The following PCMT1 variants were observed in gnomAD, a reference collection of about 807,000 sequenced individuals.
PCMT1 encodes protein-L-isoaspartate (D-aspartate) O-methyltransferase, also known as protein-L-isoaspartate(D-aspartate) O-methyltransferase.
Under a neutral mutation model 29.2 loss-of-function variants are expected in PCMT1, and 9 were observed. That is an observed-to-expected ratio of 0.31 (90% CI 0.19 to 0.54). PCMT1 has a LOEUF of 0.54. Among genes scored for constraint, PCMT1 ranks in the 20% least tolerant of loss-of-function variants. The probability of loss-of-function intolerance (pLI) is 0.95; values close to 1 mark genes in which losing one functional copy is unlikely to be tolerated. For missense variants in PCMT1, 184 were observed against 282.2 expected, an observed-to-expected ratio of 0.65 and a Z score of 2.49; for synonymous variants, 98 against 97.5, an observed-to-expected ratio of 1.00 and a Z score of -0.03.
chr6:149,805,182 C>T (rs1775970696), intron 7 of PCMT1, among the ~76,000 whole-genome samples: 1 of 152,226 alleles, frequency 6.6e-6, no homozygotes, highest in Non-Finnish European at 1.5e-5. Flanking sequence ...CGGCAGTGAG[C>T]TGTGATCACC....
At chr6:149,793,195 A>C (rs149601835) in intron 4 of PCMT1, among the ~76,000 whole-genome samples, 1,889 of 152,060 alleles carry the variant, frequency 0.012, 47 homozygotes, top group Admixed American at 0.062. Flanking sequence ...CTCCCTGTCA[A>C]ATTCTTTATG....
chr6:149,769,436 C>T (rs1787222441), intron 1 of PCMT1, among the ~76,000 whole-genome samples: 1 of 150,682 alleles, frequency 6.6e-6, no homozygotes, highest in African/African-American at 2.4e-5. Flanking sequence ...GTCTCAGCCT[C>T]CTGAGTAGCT....
intron 1 of PCMT1, among the ~76,000 whole-genome samples, chr6:149,751,034 T>G (rs1470665887): frequency 6.6e-6 from 1 of 152,188 alleles, no homozygotes; most frequent in Non-Finnish European, 1.5e-5. Context: ...AAATTTTTTT[T>G]GGCCGGGCTC....
intron 5 of PCMT1, chr6:149,795,385 TG>T: frequency 2.5e-6 from 1 of 406,078 alleles, no homozygotes. Flanking sequence ...TTAAGATATC[TG>T]GGGAGATGGT....
chr6:149,800,091 T>C (rs180804501), intron 6 of PCMT1, among the ~76,000 whole-genome samples: 86 of 152,112 alleles, frequency 5.7e-4, no homozygotes, highest in African/African-American at 1.9e-3. Context: ...AGCCTTGAAA[T>C]TGAGAAAAAC....
At chr6:149,751,957 C>T (rs1786338251) in intron 1 of PCMT1, among the ~76,000 whole-genome samples, 1 of 151,230 alleles carries the variant, frequency 6.6e-6, no homozygotes, top group Non-Finnish European at 1.5e-5. Context: ...ACTGCAACCC[C>T]TGCTTTCTGT....
chr6:149,777,626 A>G (rs779318138), intron 3 of PCMT1, among the ~76,000 whole-genome samples: 3 of 152,194 alleles, frequency 2.0e-5, no homozygotes, highest in Non-Finnish European at 4.4e-5. Flanking sequence ...TCACATATGC[A>G]CACATACATG....
intron 7 of PCMT1, 47 bp downstream of exon 7, chr6:149,802,463 TG>T (rs2115339568): frequency 1.4e-6 from 2 of 1,428,614 alleles, no homozygotes; most frequent in African/African-American, 2.9e-5. Flanking sequence ...GAGCTGTTTT[TG>T]GTTGTCACCT....
At chr6:149,772,340 A>G (rs191727706) in intron 2 of PCMT1, 92 of 327,674 alleles carry the variant, frequency 2.8e-4, no homozygotes, top group African/African-American at 1.8e-3. Flanking sequence ...AGATGATAAG[A>G]TAAAGAATAA....
chr6:149,758,075 G>T (rs1320345295), intron 1 of PCMT1, among the ~76,000 whole-genome samples: 2 of 151,676 alleles, frequency 1.3e-5, no homozygotes, highest in African/African-American at 4.8e-5. Flanking sequence ...GTAGAGATGG[G>T]GTTTCACCAT....
At chr6:149,795,644 C>A in intron 5 of PCMT1, 1 of 443,448 alleles carries the variant, frequency 2.3e-6, no homozygotes, top group Non-Finnish European at 4.2e-6. Flanking sequence ...TTCTGGATTA[C>A]TATAAAATAG....
chr6:149,805,753 T>C (rs1455094925), intron 7 of PCMT1, among the ~76,000 whole-genome samples: 2 of 151,000 alleles, frequency 1.3e-5, no homozygotes, highest in East Asian at 1.9e-4. Context: ...CTGGCCAACA[T>C]GGTGAAACTC....
intron 1 of PCMT1, among the ~76,000 whole-genome samples, chr6:149,758,208 C>CTTTTTTTTTTTTTTTTTTTTTTTTTT (rs756014067): frequency 2.2e-4 from 16 of 73,906 alleles, no homozygotes; most frequent in East Asian, 9.9e-4. Context: ...TTCTTTCTTT[C>CTTTTTTTTTTTTTTTTTTTTTTTTTT]TTTTTTTTTT....
chr6:149,808,221 CA>C (rs1776066247), intron 7 of PCMT1, among the ~76,000 whole-genome samples: 1 of 151,798 alleles, frequency 6.6e-6, no homozygotes, highest in Non-Finnish European at 1.5e-5. Flanking sequence ...GAAATATATA[CA>C]GTTATTAACC....
At chr6:149,759,031 C>T (rs538487264) in intron 1 of PCMT1, among the ~76,000 whole-genome samples, 1 of 152,284 alleles carries the variant, frequency 6.6e-6, no homozygotes, top group Non-Finnish European at 1.5e-5. Context: ...CACATGCCAC[C>T]ATGCCCAGCT....
intron 3 of PCMT1, among the ~76,000 whole-genome samples, chr6:149,776,448 C>T (rs1452215340): frequency 1.3e-5 from 2 of 151,916 alleles, no homozygotes; most frequent in African/African-American, 2.4e-5. Context: ...GATGGGGTTT[C>T]GCCATGTTGG....
In PCMT1 at chr6:149,794,729, C is replaced by T. The variant is rs181700391; in HGVS notation, c.418+1060C>T. 5.2e-3 allele frequency: 2,315 copies of T among 446,444 alleles called. 9 individuals are homozygous for T. Among genetic ancestry groups the T allele is most frequent in the Non-Finnish European group, 6.8e-3 (1,524 of 223,130 alleles). 27.7% of individuals were successfully genotyped at this position (446,444 alleles called of 1,614,324 possible). On this transcript the variant is annotated intron_variant, in intron 5 of 7. Transcript: ENST00000464889. Reference sequence around the variant, plus strand: ...AGGTGTTGCTTGCCTTGGCCTTTGCCCTGATCCTGTGTGGACACTGAAAGG... The same window carrying T: ...AGGTGTTGCTTGCCTTGGCCTTTGCTCTGATCCTGTGTGGACACTGAAAGG...
At position 149,755,059 on chromosome 6, in the gene PCMT1, A is replaced by G. The variant is rs142008935; in HGVS notation, c.55+5103A>G. Among the ~76,000 whole-genome samples the G allele has an allele frequency of 3.3e-5, 5 of 152,126 alleles. No individual in the cohort carries two copies. The East Asian group carries it at 9.7e-4, about 29-fold the overall frequency. On this transcript the variant is annotated intron_variant, in intron 1 of 7. Transcript: ENST00000464889. ...TGGTCCCTGACTTAACAGTGGTTTGACTTACAAGTTTTTTACTTTACTGGA... is the reference window on the plus strand; with the variant it reads ...TGGTCCCTGACTTAACAGTGGTTTGGCTTACAAGTTTTTTACTTTACTGGA...
chr6:149,762,545 T>A (rs1562398154), intron 1 of PCMT1, among the ~76,000 whole-genome samples: 4 of 8,210 alleles, frequency 4.9e-4, no homozygotes, highest in African/African-American at 8.6e-4. Flanking sequence ...TATATATATC[T>A]ATGATATATA....
Sources: allele counts gnomAD v4.1 joint callset (sites outside exome capture counted in the v4.1 genomes callset), GRCh38; gene constraint gnomAD v4.1.1; transcripts MANE v1.5; gene names NCBI Gene and HGNC (gene_info 2026-07-23, HGNC 2026-07-21).